The following BAHCC1 variants were observed in gnomAD, a reference collection of about 807,000 sequenced individuals.
BAHCC1 encodes the protein BAH domain and coiled-coil containing 1.
BAHCC1 carries 43 observed loss-of-function variants against 88.2 expected under a neutral mutation model. The ratio of observed to expected loss-of-function variants is 0.49; its 90% CI spans 0.38 to 0.63. The LOEUF (loss-of-function observed/expected upper bound fraction) is 0.63, where lower values mean the gene tolerates loss of function less well. Among genes scored for constraint, BAHCC1 ranks in the 20% least tolerant of loss-of-function variants. The probability of loss-of-function intolerance (pLI) is 0.00; values close to 1 mark genes in which losing one functional copy is unlikely to be tolerated. For synonymous variants in BAHCC1, 1,510 were observed against 745.5 expected (o/e 2.03, Z -16.71); for missense variants, 3,023 against 1,654.8 (o/e 1.83, Z -14.34).
intron 11 of BAHCC1, among the ~76,000 whole-genome samples, chr17:81,450,645 A>G (rs1338659958): frequency 2.0e-5 from 3 of 152,204 alleles, no homozygotes; most frequent in African/African-American, 7.2e-5. Flanking sequence ...CACTGTGTTC[A>G]GAGACCGGGC....
chr17:81,448,882 G>A (rs577695086), intron 11 of BAHCC1, among the ~76,000 whole-genome samples: 1 of 152,072 alleles, frequency 6.6e-6, no homozygotes, highest in East Asian at 1.9e-4. Flanking sequence ...GGACCCCCCA[G>A]AGGCCCTCCC....
In BAHCC1 at chr17:81,418,777, G is replaced by A. The variant is rs374405194; in HGVS notation, c.179-8023G>A. The stretch of plus-strand genomic sequence containing the variant: ...CGTGTGTGTGTGTACGTGTGTGTAC[G>A]TGTGTGTGTACGTGTGTGCGTGTGT... On this transcript the variant is annotated intron_variant, in intron 2 of 27. Coordinates refer to ENST00000675386, the MANE Select transcript of BAHCC1 (RefSeq NM_001377448.1). Among the ~76,000 whole-genome samples the A allele has an allele frequency of 7.7e-5, 11 of 143,130 alleles. No individual in the cohort carries two copies. The East Asian group carries it at 1.0e-3, about 13-fold the overall frequency. The allele number at this position is 143,130 out of a possible 152,430, so 93.9% of individuals were successfully genotyped here.
chr17:81,439,483 G>C (rs2064381878), intron 4 of BAHCC1, among the ~76,000 whole-genome samples: 1 of 151,984 alleles, frequency 6.6e-6, no homozygotes, highest in South Asian at 2.1e-4. Context: ...GGTGAGTTCT[G>C]CTTCAGTGCA....
At chr17:81,423,268 G>A (rs1286377027) in intron 2 of BAHCC1, among the ~76,000 whole-genome samples, 1 of 152,196 alleles carries the variant, frequency 6.6e-6, no homozygotes, top group African/African-American at 2.4e-5. Context: ...GCACACGAGA[G>A]GGGAAGGGGC....
Position 81,447,295 on chromosome 17 carries a change from C to T in BAHCC1, c.3423C>T (p.Pro1141=), listed in dbSNP as rs375189625. ...AATPYPTERG[P]QGKAADPSPL... ...CCCCCTACCCTACCGAGCGGGGACC[C>T]CAGGGGAAGGCAGCGGACCCCAGCC... is the stretch of plus-strand genomic sequence containing the variant. The change falls in exon 11 of 28, where the codon CCC becomes CCT. Residue 1141 remains proline, a synonymous_variant. Coordinates refer to ENST00000675386, the MANE Select transcript of BAHCC1 (RefSeq NM_001377448.1). 5.9e-4 allele frequency: 434 copies of T among 737,364 alleles called. 4 individuals are homozygous for T. The African/African-American group carries it at 6.7e-3, about 11-fold the overall frequency. The allele number at this position is 737,364 out of a possible 1,614,324, so 45.7% of individuals were successfully genotyped here.
intron 2 of BAHCC1, chr17:81,401,887 C>T (rs56355243): frequency 0.28 from 42,790 of 152,464 alleles, 7,099 homozygotes; most frequent in Middle Eastern, 0.42. Flanking sequence ...TGCATTCTCC[C>T]CCTTCTGCCC....
At chr17:81,404,307 A>T (rs1367279411) in intron 2 of BAHCC1, among the ~76,000 whole-genome samples, 1 of 152,250 alleles carries the variant, frequency 6.6e-6, no homozygotes, top group Non-Finnish European at 1.5e-5. Flanking sequence ...GAGCAAGTTG[A>T]CTTTCTCTCT....
Position 81,421,943 on chromosome 17 carries a change from A to G in BAHCC1, c.179-4857A>G, listed in dbSNP as rs1555649631. ...GAGAAGGGTATTTGCAGCTGTGCCC[A>G]GAAGTGGTCCCAGAACGCTCATGCG... is the stretch of plus-strand genomic sequence containing the variant. On this transcript the variant is annotated intron_variant, in intron 2 of 27. Transcript: ENST00000675386. 1.2e-5 allele frequency: 5 copies of G among 430,204 alleles called. No individual in the cohort carries two copies. The Admixed American group carries it at 1.3e-4, about 11-fold the overall frequency. The allele number at this position is 430,204 out of a possible 1,614,324, so 26.6% of individuals were successfully genotyped here.
rs2030644200 is a variant in BAHCC1, at chr17:81,465,520, C to A, written c.*1703C>A. 6.6e-6 allele frequency: 1 copy of A among 152,386 alleles called. No individual in the cohort carries two copies. The highest frequency in any genetic ancestry group is 2.1e-4 in the South Asian group (1 of 4,838). The allele number at this position is 152,386 out of a possible 1,614,324, so 9.4% of individuals were successfully genotyped here. Reference sequence around the variant, plus strand: ...GGGCCACACACTCCTTATATCCTCCCACACTAAGGTTCCCCTGGCCCCACG... The same window carrying A: ...GGGCCACACACTCCTTATATCCTCCAACACTAAGGTTCCCCTGGCCCCACG... On this transcript the variant is annotated 3_prime_UTR_variant, in exon 28 of 28. Coordinates refer to ENST00000675386, the MANE Select transcript of BAHCC1 (RefSeq NM_001377448.1).
chr17:81,454,618 C>G (rs995488859), intron 14 of BAHCC1, among the ~76,000 whole-genome samples: 1 of 139,050 alleles, frequency 7.2e-6, no homozygotes, highest in Non-Finnish European at 1.5e-5. Context: ...CCAGCTGTGG[C>G]GGAAATGTGG....
intron 13 of BAHCC1, among the ~76,000 whole-genome samples, chr17:81,452,400 G>A (rs1555656087): frequency 6.6e-6 from 1 of 151,954 alleles, no homozygotes; most frequent in Non-Finnish European, 1.5e-5. Flanking sequence ...AGGGGACAGT[G>A]GCAGAAGGGG....
chr17:81,433,378 G>A (rs933453354), intron 3 of BAHCC1, among the ~76,000 whole-genome samples: 3 of 152,168 alleles, frequency 2.0e-5, no homozygotes, highest in Non-Finnish European at 4.4e-5. Flanking sequence ...AGGCCCTTCC[G>A]GCCCTAGAGT....
chr17:81,441,925 C>T lies in BAHCC1; in HGVS notation c.576C>T (p.Pro192=). ...PSVARAAPAH[P]MGSCSRDRDR... Reference sequence around the variant, plus strand: ...TGGCCCGGGCCGCCCCTGCCCACCCCATGGGCTCCTGCAGCCGGGATCGAG... The same window carrying T: ...TGGCCCGGGCCGCCCCTGCCCACCCTATGGGCTCCTGCAGCCGGGATCGAG... Residue 192 remains proline (P), a synonymous_variant, in exon 5 of 28, where the codon CCC becomes CCT. Transcript: ENST00000675386. The T allele has an allele frequency of 1.4e-6, 1 of 729,918 alleles. No individual in the cohort carries two copies. Among genetic ancestry groups the T allele is most frequent in the Non-Finnish European group, 2.6e-6 (1 of 386,716 alleles). 45.2% of individuals were successfully genotyped at this position (729,918 alleles called of 1,614,324 possible).
intron 1 of BAHCC1, chr17:81,396,424 C>T (rs982637571): frequency 8.5e-5 from 13 of 152,118 alleles, no homozygotes; most frequent in African/African-American, 2.7e-4. Flanking sequence ...GGCTGGTTTT[C>T]TTCGGGCGCG....
chr17:81,443,203 T>C lies in BAHCC1; in HGVS notation c.1854T>C (p.Leu618=). The C allele has an allele frequency of 1.3e-6, 1 of 779,348 alleles. No homozygotes were observed. The highest frequency in any genetic ancestry group is 1.3e-5 in the South Asian group (1 of 74,624). 48.3% of individuals were successfully genotyped at this position (779,348 alleles called of 1,614,324 possible). A position where few individuals can be genotyped will look rare whatever the true frequency, so the allele number is the denominator to read the frequency against. The change falls in exon 5 of 28, where the codon CTT becomes CTC. Residue 618 remains leucine (L), a synonymous_variant. Coordinates refer to ENST00000675386, the MANE Select transcript of BAHCC1 (RefSeq NM_001377448.1). ...GCAGTGGCCTGCAGCAGGCGGCTCTTCTGCCCCAGGAACTGCCTGCGCCGC... is the reference window on the plus strand; with the variant it reads ...GCAGTGGCCTGCAGCAGGCGGCTCTCCTGCCCCAGGAACTGCCTGCGCCGC... The part of the protein sequence containing the change: ...PFGSGLQQAA[L]LPQELPAPPD...
intron 14 of BAHCC1, among the ~76,000 whole-genome samples, chr17:81,454,499 C>T (rs2064707165): frequency 6.6e-6 from 1 of 152,114 alleles, no homozygotes; most frequent in African/African-American, 2.4e-5. Flanking sequence ...AACGGGGTCC[C>T]TGGGGACTCA....
At position 81,460,321 on chromosome 17, in the gene BAHCC1, G is replaced by A. The variant is rs375459077; in HGVS notation, c.5950G>A (p.Glu1984Lys). 5 of 776,612 alleles carry A rather than the reference G, an allele frequency of 6.4e-6. No homozygotes were observed. Among genetic ancestry groups the A allele is most frequent in the African/African-American group, 5.1e-5 (3 of 59,050 alleles). The allele number at this position is 776,612 out of a possible 1,614,324, so 48.1% of individuals were successfully genotyped here. A position where few individuals can be genotyped will look rare whatever the true frequency, so the allele number is the denominator to read the frequency against. ...EDEDLDSVVV[E>K]FDDGDTGHIA... ...TGAGGACCTGGACTCAGTAGTGGTG[G>A]AATTTGACGATGGGGATACAGGCCA... The change falls in exon 24 of 28, where the codon GAA becomes AAA. Residue 1984 changes from glutamate (E) to lysine (K), a missense_variant. Glu to Lys is a moderately conservative substitution (Grantham distance 56). Coordinates refer to ENST00000675386, the MANE Select transcript of BAHCC1 (RefSeq NM_001377448.1).
chr17:81,458,286 G>A lies in BAHCC1; in HGVS notation c.5163G>A (p.Lys1721=). 1 of 749,798 alleles carries A rather than the reference G, an allele frequency of 1.3e-6. No individual in the cohort carries two copies. Among genetic ancestry groups the A allele is most frequent in the African/African-American group, 1.7e-5 (1 of 58,710 alleles). 46.4% of individuals were successfully genotyped at this position (749,798 alleles called of 1,614,324 possible). A position where few individuals can be genotyped will look rare whatever the true frequency, so the allele number is the denominator to read the frequency against. The change falls in exon 18 of 28, where the codon AAG becomes AAA. Residue 1721 remains lysine (K), a synonymous_variant. Transcript: ENST00000675386. The part of the protein sequence containing the change: ...PGQRPPGALG[K]KKAKGKAKGS... ...AGAGGCCCCCAGGTGCGCTGGGCAAGAAGAAAGCCAAGGGCAAGGCCAAGG... is the reference window on the plus strand; with the variant it reads ...AGAGGCCCCCAGGTGCGCTGGGCAAAAAGAAAGCCAAGGGCAAGGCCAAGG...
At chr17:81,452,637 C>T in intron 13 of BAHCC1, 86 bp from the exon 14 acceptor site, 1 of 594,464 alleles carries the variant, frequency 1.7e-6, no homozygotes, top group Admixed American at 3.3e-5. Context: ...ACCCAGTAGC[C>T]CTCGAAGGCC....
Sources: gnomAD v4.1 joint callset for allele counts (sites outside exome capture counted in the v4.1 genomes callset) on GRCh38, gnomAD v4.1.1 for gene constraint, MANE v1.5 for transcripts, NCBI Gene and HGNC (gene_info 2026-07-23, HGNC 2026-07-21) for gene names.